PEX7: variants seen among roughly 807,000 people sequenced by gnomAD.
PEX7 encodes peroxisomal biogenesis factor 7.
Under a neutral mutation model 47.5 loss-of-function variants are expected in PEX7, and 34 were observed. That is an observed-to-expected ratio of 0.72 (90% CI 0.54 to 0.95). The LOEUF (loss-of-function observed/expected upper bound fraction) is 0.95, where lower values mean the gene tolerates loss of function less well. PEX7 is among the 40% of genes least tolerant of loss of function. The pLI is 0.00. For missense variants in PEX7, 394 were observed against 400.3 expected, an observed-to-expected ratio of 0.98 and a Z score of 0.13; for synonymous variants, 141 against 148.8, an observed-to-expected ratio of 0.95 and a Z score of 0.38.
At chr6:136,845,992 G>A (rs924978628) in intron 4 of PEX7, 81 bp from the exon 5 acceptor site, 74 of 787,304 alleles carry the variant, frequency 9.4e-5, no homozygotes, top group Admixed American at 5.9e-4. Flanking sequence ...AATGTATATA[G>A]TTTATTGGTG....
intron 3 of PEX7, among the ~76,000 whole-genome samples, chr6:136,827,326 TTTAA>T (rs1774212811): frequency 6.6e-6 from 1 of 152,226 alleles, no homozygotes; most frequent in African/African-American, 2.4e-5. Context: ...TAGTTTCTAT[TTTAA>T]TTATGATAGC....
At chr6:136,860,505 C>CG (rs1297083103) in intron 5 of PEX7, among the ~76,000 whole-genome samples, 2 of 145,220 alleles carry the variant, frequency 1.4e-5, no homozygotes, top group Non-Finnish European at 3.0e-5. Context: ...CATCACACAC[C>CG]GGGGCCTGTT....
chr6:136,913,381 G>A, intron 9 of PEX7, 77 bp from the exon 10 acceptor site: 1 of 943,548 alleles, frequency 1.1e-6, no homozygotes, highest in Non-Finnish European at 1.7e-6. Flanking sequence ...CACTCTAAAT[G>A]ACTTGAGTTT....
chr6:136,913,495 A>G lies in PEX7; in HGVS notation c.941A>G (p.Tyr314Cys), dbSNP rs201106072. The stretch of plus-strand genomic sequence containing the variant: ...TCTTGGGATGAAACAATAAAGATCT[A>G]TGACCCTGCTTGTCTTACTATTCCT... ...DCSWDETIKI[Y>C]DPACLTIPA Residue 314 changes from tyrosine to cysteine, a missense_variant, in exon 10 of 10, where the codon TAT becomes TGT. Tyr to Cys is a radical substitution (Grantham distance 194). Coordinates refer to ENST00000318471, the MANE Select transcript of PEX7 (RefSeq NM_000288.4). 63 of 1,612,608 alleles carry G rather than the reference A, an allele frequency of 3.9e-5. No individual in the cohort carries two copies. Among genetic ancestry groups the G allele is most frequent in the Admixed American group, 6.7e-5 (4 of 59,998 alleles).
At chr6:136,865,142 G>A (rs1228383283) in intron 5 of PEX7, among the ~76,000 whole-genome samples, 1 of 152,134 alleles carries the variant, frequency 6.6e-6, no homozygotes, top group Admixed American at 6.5e-5. Flanking sequence ...AATGCAAAGT[G>A]TAATCTTTAA....
In PEX7 at chr6:136,868,380, A is replaced by G. The variant is rs531573022; in HGVS notation, c.634-1510A>G. ...CCAGTTTTAAATTAATTAAAGTTAAAAGAACATTGTATTGGCAGAGTTCTT... is the reference window on the plus strand; with the variant it reads ...CCAGTTTTAAATTAATTAAAGTTAAGAGAACATTGTATTGGCAGAGTTCTT... On this transcript the variant is annotated intron_variant, in intron 6 of 9. Transcript: ENST00000318471. 3.9e-5 allele frequency among the ~76,000 whole-genome samples: 6 copies of G among 152,352 alleles called. No homozygotes were observed. In the South Asian group the frequency reaches 8.3e-4, roughly 21 times the overall value.
At position 136,900,526 on chromosome 6, in the gene PEX7, A is replaced by G; in HGVS notation, c.903+2285A>G. On this transcript the variant is annotated intron_variant, in intron 9 of 9. Transcript: ENST00000318471. This position sits in a 1 kb window ranked among gnomAD's most constrained non-coding sequence, Gnocchi z 4.2. ...GTAATTGGTCCTGATAGCTTCCACC[A>G]TCTTAGCCAAAGCCCTTTTGTCTTC... 1 of 470,092 alleles carries G rather than the reference A, an allele frequency of 2.1e-6. No individual in the cohort carries two copies. Among genetic ancestry groups the G allele is most frequent in the South Asian group, 1.6e-5 (1 of 64,318 alleles). 29.1% of individuals were successfully genotyped at this position (470,092 alleles called of 1,614,324 possible).
chr6:136,824,304 G>A (rs906006730), intron 1 of PEX7, among the ~76,000 whole-genome samples: 5 of 152,086 alleles, frequency 3.3e-5, no homozygotes, highest in Non-Finnish European at 1.5e-5. Context: ...GGGCTCATAT[G>A]ATCCTCCTGT....
chr6:136,869,296 C>T (rs1775130339), intron 6 of PEX7, among the ~76,000 whole-genome samples: 1 of 151,884 alleles, frequency 6.6e-6, no homozygotes, highest in African/African-American at 2.4e-5. Context: ...GGCTGAGGTA[C>T]AGTGGGGTGA....
intron 3 of PEX7, among the ~76,000 whole-genome samples, chr6:136,829,731 G>A (rs993230228): frequency 1.6e-4 from 24 of 152,180 alleles, no homozygotes; most frequent in Non-Finnish European, 3.1e-4. Context: ...AAGGCCAGGA[G>A]TTTGGGACCA....
At chr6:136,860,042 C>G (rs1254513345) in intron 5 of PEX7, among the ~76,000 whole-genome samples, 4 of 151,620 alleles carry the variant, frequency 2.6e-5, no homozygotes, top group Non-Finnish European at 5.9e-5. Context: ...AAAAAATTCA[C>G]TGGTTCTGTC....
chr6:136,826,421 T>C lies in PEX7; in HGVS notation c.291T>C (p.Thr97=). ...SGDGSLQLWD[T]AKAAGPLQVY... ...ATGGCTCGCTGCAGCTCTGGGACAC[T>C]GCCAAAGCTGCAGGGCCACTGCAAG... The change falls in exon 3 of 10, where the codon ACT becomes ACC. Residue 97 remains threonine (T), a synonymous_variant. Transcript: ENST00000318471. The C allele has an allele frequency of 1.2e-6, 2 of 1,613,928 alleles. No individual in the cohort carries two copies. The highest frequency in any genetic ancestry group is 1.1e-5 in the South Asian group (1 of 91,062).
At chr6:136,892,674 C>G (rs1013998620) in intron 8 of PEX7, among the ~76,000 whole-genome samples, 1 of 152,202 alleles carries the variant, frequency 6.6e-6, no homozygotes, top group Admixed American at 6.5e-5. Context: ...GAATAGGACA[C>G]TGTCCCTGAA....
At chr6:136,846,258 G>A in intron 5 of PEX7, 77 bp downstream of exon 5, 2 of 749,898 alleles carry the variant, frequency 2.7e-6, no homozygotes, top group Non-Finnish European at 2.3e-6. Flanking sequence ...GTGGCGCTGT[G>A]TACCTTAGCT....
At chr6:136,823,128 C>T in intron 1 of PEX7, 1 of 985,444 alleles carries the variant, frequency 1.0e-6, no homozygotes, top group South Asian at 4.7e-5. Flanking sequence ...GGGGAGCCTG[C>T]GCGGTCCCTT....
intron 5 of PEX7, among the ~76,000 whole-genome samples, chr6:136,863,427 GAAA>G (rs1046142363): frequency 6.6e-6 from 1 of 151,094 alleles, no homozygotes. Context: ...ATCAAAAAAG[GAAA>G]AAAAATCCTA....
At chr6:136,890,435 C>T (rs115760864) in intron 8 of PEX7, among the ~76,000 whole-genome samples, 2 of 152,208 alleles carry the variant, frequency 1.3e-5, no homozygotes, top group African/African-American at 4.8e-5. Flanking sequence ...CATTCCTCCT[C>T]CTCCTGCAGG....
chr6:136,890,957 C>T (rs1334610424), intron 8 of PEX7, among the ~76,000 whole-genome samples: 1 of 152,096 alleles, frequency 6.6e-6, no homozygotes, highest in Non-Finnish European at 1.5e-5. Context: ...TAGAGTTCTT[C>T]CAGTTTTACT....
chr6:136,855,607 T>C (rs1774847546), intron 5 of PEX7: 1 of 198,476 alleles, frequency 5.0e-6, no homozygotes. Context: ...CCCAAAGTGC[T>C]GGGAGTATAG....
Sources: allele counts gnomAD v4.1 joint callset (sites outside exome capture counted in the v4.1 genomes callset), GRCh38; gene constraint gnomAD v4.1.1; non-coding constraint Gnocchi (gnomAD v3.1); transcripts MANE v1.5; gene names NCBI Gene and HGNC (gene_info 2026-07-23, HGNC 2026-07-21).